Variants in MIA2 observed in about 807,000 individuals in gnomAD.
MIA2 encodes melanoma inhibitory activity protein 2.
A neutral mutation model predicts 167.8 loss-of-function variants in MIA2; 127 were observed. The observed-to-expected ratio is 0.76, with a 90% CI of 0.66 to 0.88. The LOEUF (loss-of-function observed/expected upper bound fraction) is 0.88. Among genes scored for constraint, MIA2 ranks in the 40% least tolerant of loss-of-function variants. The pLI is 0.00. For synonymous variants in MIA2, 552 were observed against 541.9 expected, an observed-to-expected ratio of 1.02 and a Z score of -0.26; for missense variants, 1,690 against 1,624.7, an observed-to-expected ratio of 1.04 and a Z score of -0.69.
In MIA2 at chr14:39,234,056, T is replaced by G; in HGVS notation, c.-59T>G. 1.8e-6 allele frequency: 2 copies of G among 1,111,388 alleles called. No homozygotes were observed. 68.8% of individuals were successfully genotyped at this position (1,111,388 alleles called of 1,614,324 possible). A position where few individuals can be genotyped will look rare whatever the true frequency, so the allele number is the denominator to read the frequency against. ...AATATCTCCAGTTTTGGCTGACATC[T>G]CTACAACCTGAACAATTGGCTTAAA... On this transcript the variant is annotated 5_prime_UTR_variant, in exon 1 of 29. Coordinates refer to ENST00000640607, the MANE Select transcript of MIA2 (RefSeq NM_001329214.4).
At chr14:39,357,091 A>G (rs552362792) in intron 23 of MIA2, among the ~76,000 whole-genome samples, 25 of 152,198 alleles carry the variant, frequency 1.6e-4, no homozygotes, top group Non-Finnish European at 2.9e-4. Context: ...AGCTGAGTTC[A>G]GTTCCTGGAT....
In MIA2 at chr14:39,313,350, G is replaced by A. The variant is rs2064704687; in HGVS notation, c.3028G>A (p.Val1010Ile). ...NEMKLHRKLT[V>I]EENYRLEKEE... ...TTTTTTGTTTTTAAGGAAATTAACAGTAGAGGAAAATTATCGGTTAGAGAA... is the reference window on the plus strand; with the variant it reads ...TTTTTTGTTTTTAAGGAAATTAACAATAGAGGAAAATTATCGGTTAGAGAA... Residue 1010 changes from valine (V) to isoleucine (I), a missense_variant, in exon 19 of 29, where the codon GTA (valine) becomes ATA (isoleucine). Coordinates refer to ENST00000640607, the MANE Select transcript of MIA2 (RefSeq NM_001329214.4). The A allele has an allele frequency of 1.9e-6, 3 of 1,576,830 alleles. No homozygotes were observed. In the South Asian group the frequency reaches 3.4e-5, roughly 18 times the overall value.
At chr14:39,314,713 G>C in intron 19 of MIA2, 26 bp from the exon 20 acceptor site, 1 of 1,467,204 alleles carries the variant, frequency 6.8e-7, no homozygotes, top group Non-Finnish European at 9.2e-7. Context: ...TATGTTAATA[G>C]TAGAATAATT....
At position 39,381,237 on chromosome 14, in the gene MIA2, T is replaced by C. The variant is rs1166315680; in HGVS notation, c.2249-5648T>C. On this transcript the variant is annotated intron_variant, in intron 23 of 23. Coordinates refer to the MIA2 transcript ENST00000341502. ...AGAAGGTGGTAAGAGGAAGGAAAGA[T>C]AGGCAGAAGTAAATGGAGAAGACAG... 2.0e-5 allele frequency among the ~76,000 whole-genome samples: 3 copies of C among 152,224 alleles called. No homozygotes were observed. In the East Asian group the frequency reaches 5.8e-4, roughly 29 times the overall value.
At chr14:39,384,190 C>T (rs1267172506) in intron 23 of MIA2, among the ~76,000 whole-genome samples, 1 of 152,092 alleles carries the variant, frequency 6.6e-6, no homozygotes, top group East Asian at 1.9e-4. Flanking sequence ...AAGCTGAAGC[C>T]ATTTGCAATT....
At chr14:39,270,931 G>A (rs894659828) in intron 6 of MIA2, among the ~76,000 whole-genome samples, 1 of 152,104 alleles carries the variant, frequency 6.6e-6, no homozygotes, top group African/African-American at 2.4e-5. Context: ...CACCTTCTTG[G>A]TGTGTCCTTT....
intron 24 of MIA2, among the ~76,000 whole-genome samples, chr14:39,326,522 T>C (rs1157802160): frequency 6.6e-6 from 1 of 151,872 alleles, no homozygotes; most frequent in Non-Finnish European, 1.5e-5. Context: ...ACTGCTAAGA[T>C]GACTGTTTTA....
rs1566595563 is a variant in MIA2 at position 39,247,832 on chromosome 14, G to A, written c.1258G>A (p.Asp420Asn). 6.3e-7 allele frequency: 1 copy of A among 1,593,960 alleles called. No individual in the cohort carries two copies. The highest frequency in any genetic ancestry group is 8.5e-7 in the Non-Finnish European group (1 of 1,175,340). The change falls in exon 4 of 29, where the codon GAC (aspartate) becomes AAC (asparagine). Residue 420 changes from aspartate to asparagine, a missense_variant. Transcript: ENST00000640607. Reference sequence around the variant, plus strand: ...TGAACATCCTCTAACAAGTGAATTAGACCCTGAAAAAGAACAAGAAATAGA... The same window carrying A: ...TGAACATCCTCTAACAAGTGAATTAAACCCTGAAAAAGAACAAGAAATAGA... ...EHEHPLTSEL[D>N]PEKEQEIETI...
At chr14:39,363,539 A>AAC (rs1394977453) in intron 23 of MIA2, among the ~76,000 whole-genome samples, 1 of 152,188 alleles carries the variant, frequency 6.6e-6, no homozygotes, top group African/African-American at 2.4e-5. Flanking sequence ...AAATAAAAAA[A>AAC]ATCTGATGTT....
chr14:39,298,442 T>TATAA (rs1281649977), intron 13 of MIA2, among the ~76,000 whole-genome samples: 3 of 8,502 alleles, frequency 3.5e-4, no homozygotes, highest in Non-Finnish European at 6.1e-4. Context: ...TATATATATA[T>TATAA]AAAGATTAGT....
intron 6 of MIA2, 79 bp from the exon 7 acceptor site, chr14:39,276,855 A>G (rs968398891): frequency 6.6e-6 from 10 of 1,515,148 alleles, no homozygotes; most frequent in Middle Eastern, 1.9e-4. Flanking sequence ...TGTTGACCAC[A>G]TAAACTTGTA....
chr14:39,365,653 AT>A (rs1567053048), intron 23 of MIA2, among the ~76,000 whole-genome samples: 15 of 1,968 alleles, frequency 7.6e-3, no homozygotes, highest in East Asian at 0.066. Context: ...AAAAATACCT[AT>A]CTATCTATCT....
chr14:39,327,279 T>C (rs1046639127), intron 25 of MIA2, among the ~76,000 whole-genome samples: 1 of 152,254 alleles, frequency 6.6e-6, no homozygotes, highest in Non-Finnish European at 1.5e-5. Context: ...ATGTTTACTT[T>C]AGAAAATCCA....
At chr14:39,355,163 A>C (rs1419917140), downstream of MIA2, among the ~76,000 whole-genome samples, 1 of 150,388 alleles carries the variant, frequency 6.6e-6, no homozygotes, top group Non-Finnish European at 1.5e-5. Context: ...GGCCATTTTC[A>C]CGATATTGAT....
chr14:39,355,277 C>T (rs1024254023), downstream of MIA2, among the ~76,000 whole-genome samples: 1 of 152,146 alleles, frequency 6.6e-6, no homozygotes, highest in African/African-American at 2.4e-5. Context: ...CTTCACATCC[C>T]TTGTAAGTTG....
chr14:39,236,868 G>T, intron 1 of MIA2, 54 bp from the exon 2 acceptor site: 1 of 1,494,002 alleles, frequency 6.7e-7, no homozygotes, highest in South Asian at 1.2e-5. Flanking sequence ...ATGAAAGGAG[G>T]AGAAATATCA....
chr14:39,267,253 A>C lies in MIA2; in HGVS notation c.1888-9681A>C, dbSNP rs546887387. The C allele has an allele frequency of 1.5e-4, 217 of 1,411,840 alleles. 2 individuals are homozygous for C. The East Asian group carries it at 5.7e-3, about 37-fold the overall frequency. The allele number at this position is 1,411,840 out of a possible 1,614,324, so 87.5% of individuals were successfully genotyped here. Reference sequence around the variant, plus strand: ...GCTGCCTCGGGATGTAAAGTATAACAAGAGGGTCGGGATGGGCAGCGTAGG... The same window carrying C: ...GCTGCCTCGGGATGTAAAGTATAACCAGAGGGTCGGGATGGGCAGCGTAGG... On this transcript the variant is annotated intron_variant, in intron 6 of 28. Coordinates refer to ENST00000640607, the MANE Select transcript of MIA2 (RefSeq NM_001329214.4).
chr14:39,366,768 A>G (rs2074830977), intron 23 of MIA2, among the ~76,000 whole-genome samples: 4 of 151,970 alleles, frequency 2.6e-5, no homozygotes, highest in South Asian at 2.1e-4. Context: ...GTGAGTGGAG[A>G]GAGCCCATCC....
chr14:39,321,178 G>A (rs1771692677), intron 24 of MIA2, 122 bp downstream of exon 24: 4 of 908,850 alleles, frequency 4.4e-6, no homozygotes, highest in Non-Finnish European at 6.5e-6. Flanking sequence ...TGCACTTACT[G>A]TAGATAACTT....
Sources: allele counts gnomAD v4.1 joint callset (sites outside exome capture counted in the v4.1 genomes callset), GRCh38; gene constraint gnomAD v4.1.1; transcripts MANE v1.5; gene names NCBI Gene and HGNC (gene_info 2026-07-23, HGNC 2026-07-21).